Variants in FRMPD4 observed in about 807,000 individuals in gnomAD.
FRMPD4 encodes FERM and PDZ domain-containing protein 4.
A neutral mutation model predicts 94.1 loss-of-function variants in FRMPD4; 22 were observed. That is an observed-to-expected ratio of 0.23 (90% CI 0.17 to 0.33). The LOEUF is 0.33. Ranked by LOEUF, FRMPD4 falls within the 10% of genes least tolerant of loss-of-function variation. The pLI is 1.00. For missense variants in FRMPD4, 1,111 were observed against 1,339.9 expected, an observed-to-expected ratio of 0.83 and a Z score of 2.67; for synonymous variants, 631 against 548.6, an observed-to-expected ratio of 1.15 and a Z score of -2.10.
At chrX:12,690,392 T>C in intron 8 of FRMPD4, 66 bp downstream of exon 8, 1 of 965,190 alleles carries the variant, frequency 1.0e-6, no homozygotes, top group Non-Finnish European at 1.5e-6. Flanking sequence ...CAGTCCAAGA[T>C]TTCTCCCCCA....
intron 3 of FRMPD4, among the ~76,000 whole-genome samples, chrX:11,917,070 A>G (rs1431795629): frequency 8.9e-6 from 1 of 112,290 alleles, no homozygotes; most frequent in African/African-American, 3.2e-5. Flanking sequence ...TCTGCAAAAA[A>G]GTAGGCAAAG....
rs773087889 is a variant in FRMPD4, at chrX:12,718,430, C to G, written c.3604C>G (p.Leu1202Val). The G allele has an allele frequency of 3.3e-6, 4 of 1,208,898 alleles. No individual in the cohort carries two copies. The highest frequency in any genetic ancestry group is 1.7e-5 in the African/African-American group (1 of 57,335). Residue 1202 changes from leucine to valine, a missense_variant, in exon 16 of 17, where the codon CTG becomes GTG. Leu to Val is a conservative substitution (Grantham distance 32). This residue lies in a region of FRMPD4 where 551 missense variants were observed against 591.6 expected (regional missense o/e 0.93). Transcript: ENST00000675598. ...DYHLAKRMSS[L>V]QSEGHFSLQS... is the part of the protein sequence containing the mutation. ...CCACTTGGCCAAGCGGATGTCATCA[C>G]TGCAAAGCGAGGGCCATTTTTCTCT...
intron 2 of FRMPD4, among the ~76,000 whole-genome samples, chrX:12,542,488 C>T (rs767962526): frequency 4.5e-5 from 5 of 111,989 alleles, no homozygotes; most frequent in South Asian, 3.7e-4. Context: ...TTCACAATTG[C>T]TTCAAAGAGA....
At chrX:12,296,394 C>T (rs1040739852) in intron 1 of FRMPD4, among the ~76,000 whole-genome samples, 3 of 111,809 alleles carry the variant, frequency 2.7e-5, no homozygotes, top group African/African-American at 9.8e-5. Context: ...AGCTGTGGGA[C>T]AGGACATAAA....
At chrX:12,555,350 G>A (rs946808137) in intron 2 of FRMPD4, among the ~76,000 whole-genome samples, 9 of 110,842 alleles carry the variant, frequency 8.1e-5, no homozygotes, top group Middle Eastern at 4.2e-3. Flanking sequence ...TTTAAGTTGG[G>A]TTTTATGCTC....
chrX:11,959,340 A>C (rs781596568), intron 3 of FRMPD4, among the ~76,000 whole-genome samples: 1 of 112,457 alleles, frequency 8.9e-6, no homozygotes, highest in Non-Finnish European at 1.9e-5. Flanking sequence ...CAAGGTGGCC[A>C]AATATACATA....
intron 4 of FRMPD4, among the ~76,000 whole-genome samples, chrX:12,667,316 TCC>T (rs2059789865): frequency 8.9e-6 from 1 of 112,102 alleles, no homozygotes; most frequent in South Asian, 3.7e-4. Context: ...TGAAATATCT[TCC>T]TACATATCTT....
rs1200775333 is a variant in FRMPD4, at chrX:12,081,995, GGAGACT to G, written c.95+203980_95+203985del. ...TGTCAAACACAAGTCATTTTCTATA[GGAGACT>G]GATAAACTGTTAAAGCAAAATGAGA... On this transcript the variant is annotated intron_variant, in intron 3 of 18. Coordinates refer to the FRMPD4 transcript ENST00000640291. 4.5e-5 allele frequency among the ~76,000 whole-genome samples: 5 copies of G among 111,770 alleles called. No homozygotes were observed. In the East Asian group the frequency reaches 1.4e-3, roughly 31 times the overall value.
At chrX:12,096,075 C>T (rs766375572) in intron 3 of FRMPD4, among the ~76,000 whole-genome samples, 9 of 112,071 alleles carry the variant, frequency 8.0e-5, no homozygotes, top group Non-Finnish European at 1.5e-4. Flanking sequence ...CTCTATATTC[C>T]CAGCATGGTT....
intron 1 of FRMPD4, among the ~76,000 whole-genome samples, chrX:12,469,313 G>A (rs1045609792): frequency 3.6e-5 from 4 of 110,904 alleles, no homozygotes; most frequent in East Asian, 2.8e-4. Context: ...GCAATGGCGC[G>A]ATCTCAGCTC....
In FRMPD4 at chrX:12,228,666, A is replaced by C. The variant is rs187207472; in HGVS notation, c.41+89654A>C. 1.5e-4 allele frequency among the ~76,000 whole-genome samples: 17 copies of C among 112,487 alleles called. No homozygotes were observed. The East Asian group carries it at 4.8e-3, about 31-fold the overall frequency. Reference sequence around the variant, plus strand: ...GTGGTTACAATTCTGGTGAAAGGCAAACTTACTTGGCATTTCTTAGTTCTT... The same window carrying C: ...GTGGTTACAATTCTGGTGAAAGGCACACTTACTTGGCATTTCTTAGTTCTT... On this transcript the variant is annotated intron_variant, in intron 1 of 16. Transcript: ENST00000675598.
At chrX:11,889,580 G>A in intron 3 of FRMPD4, among the ~76,000 whole-genome samples, 1 of 112,619 alleles carries the variant, frequency 8.9e-6, no homozygotes, top group Non-Finnish European at 1.9e-5. Flanking sequence ...AGCAGAACAT[G>A]TGTACAGCTA....
At chrX:12,053,135 C>T (rs987127704) in intron 3 of FRMPD4, among the ~76,000 whole-genome samples, 2 of 109,096 alleles carry the variant, frequency 1.8e-5, no homozygotes, top group Non-Finnish European at 3.8e-5. Flanking sequence ...GTCAGGAGAT[C>T]GAGACCAGCC....
intron 1 of FRMPD4, among the ~76,000 whole-genome samples, chrX:11,857,262 C>A (rs1483923209): frequency 9.0e-6 from 1 of 111,026 alleles, no homozygotes; most frequent in East Asian, 2.8e-4. Flanking sequence ...AAATCCTAAG[C>A]AAAAAGAACA....
intron 2 of FRMPD4, among the ~76,000 whole-genome samples, chrX:11,873,054 T>C (rs1442211849): frequency 8.9e-6 from 1 of 111,897 alleles, no homozygotes; most frequent in African/African-American, 3.2e-5. Context: ...GAGCACCAAA[T>C]CTGCAGAAAC....
intron 1 of FRMPD4, among the ~76,000 whole-genome samples, chrX:12,207,056 T>C (rs934853945): frequency 8.9e-6 from 1 of 112,032 alleles, no homozygotes; most frequent in Non-Finnish European, 1.9e-5. Flanking sequence ...TAAACCTTAC[T>C]GCATCTTCCT....
At chrX:12,264,673 T>C (rs1264275472) in intron 1 of FRMPD4, among the ~76,000 whole-genome samples, 1 of 112,515 alleles carries the variant, frequency 8.9e-6, no homozygotes, top group African/African-American at 3.2e-5. Flanking sequence ...TAACAAACTT[T>C]TGAATACCAG....
At chrX:12,238,329 G>A (rs748545013) in intron 1 of FRMPD4, among the ~76,000 whole-genome samples, 1 of 110,415 alleles carries the variant, frequency 9.1e-6, no homozygotes, top group East Asian at 2.9e-4. Context: ...TCTCCGTGTT[G>A]GTCAGGCTGG....
intron 3 of FRMPD4, among the ~76,000 whole-genome samples, chrX:11,969,703 G>A (rs748214465): frequency 9.0e-6 from 1 of 111,448 alleles, no homozygotes; most frequent in East Asian, 2.8e-4. Flanking sequence ...GCTAAATTTG[G>A]GATTAGGGAG....
Sources: gnomAD v4.1 joint callset for allele counts (sites outside exome capture counted in the v4.1 genomes callset) on GRCh38, gnomAD v4.1.1 for gene constraint, gnomAD v4.1.1 regional missense constraint, MANE v1.5 for transcripts, NCBI Gene and HGNC (gene_info 2026-07-23, HGNC 2026-07-21) for gene names.